The following FBXO4 variants were observed in gnomAD, a reference collection of about 807,000 sequenced individuals.
The protein encoded by FBXO4 is F-box only protein 4.
FBXO4 carries 36 observed loss-of-function variants against 43.7 expected under a neutral mutation model. That is an observed-to-expected ratio of 0.82 (90% CI 0.63 to 1.09). FBXO4 has a LOEUF of 1.09. Ranked by LOEUF, FBXO4 falls within the 50% of genes least tolerant of loss-of-function variation. The pLI is 0.00. For synonymous variants in FBXO4, 180 were observed against 165.6 expected (o/e 1.09, Z -0.67); for missense variants, 435 against 474.1 (o/e 0.92, Z 0.77).
At chr5:41,926,959 C>T (rs1751523234) in intron 1 of FBXO4, 54 bp from the exon 2 acceptor site, 3 of 1,155,826 alleles carry the variant, frequency 2.6e-6, no homozygotes, top group Non-Finnish European at 2.5e-6. Context: ...GTTTATCACC[C>T]AAAAACTATT....
At chr5:41,945,820 C>CA (rs1458880208), downstream of FBXO4, among the ~76,000 whole-genome samples, 7 of 152,202 alleles carry the variant, frequency 4.6e-5, no homozygotes, top group Non-Finnish European at 1.0e-4. Flanking sequence ...TCTAGCTTCA[C>CA]AACCTATGGA....
chr5:41,979,587 A>G, the FBXO4 span, among the ~76,000 whole-genome samples: 1 of 152,206 alleles, frequency 6.6e-6, no homozygotes, highest in Non-Finnish European at 1.5e-5. Flanking sequence ...AACTACCAAC[A>G]TGACATCACT....
intron 5 of FBXO4, among the ~76,000 whole-genome samples, chr5:41,936,885 T>A (rs557467651): frequency 2.6e-5 from 4 of 152,068 alleles, no homozygotes; most frequent in East Asian, 1.9e-4. Context: ...TGTAGGCTTA[T>A]GAACCATACA....
Position 41,941,177 on chromosome 5 carries a change from CTTATG to C in FBXO4, c.1075-13_1075-9del. ...TAGTTTCTTACTAACAACATTCTCT[CTTATG>C]TATTCCGAGGTCCAGGATACAGAGG... On this transcript the variant is annotated splice_polypyrimidine_tract_variant and intron_variant, in intron 6 of 6. Coordinates refer to ENST00000281623, the MANE Select transcript of FBXO4 (RefSeq NM_012176.3). 6.2e-7 allele frequency: 1 copy of C among 1,608,756 alleles called. No homozygotes were observed. The highest frequency in any genetic ancestry group is 8.5e-7 in the Non-Finnish European group (1 of 1,175,524).
At chr5:42,033,225 G>T in the FBXO4 span, among the ~76,000 whole-genome samples, 2 of 152,016 alleles carry the variant, frequency 1.3e-5, no homozygotes, top group Non-Finnish European at 2.9e-5. Flanking sequence ...TCCCCAGCTG[G>T]CATCCTAGCA....
the FBXO4 span, among the ~76,000 whole-genome samples, chr5:41,976,388 T>C: frequency 2.0e-5 from 3 of 152,188 alleles, no homozygotes; most frequent in Non-Finnish European, 4.4e-5. Context: ...CTTCCACTGA[T>C]GAACCTATAA....
At chr5:42,014,991 A>G in the FBXO4 span, among the ~76,000 whole-genome samples, 8 of 152,202 alleles carry the variant, frequency 5.3e-5, no homozygotes, top group African/African-American at 1.9e-4. Context: ...CACTGAGGCA[A>G]TTCTTGGCAC....
At chr5:42,021,197 G>A in the FBXO4 span, among the ~76,000 whole-genome samples, 12 of 152,254 alleles carry the variant, frequency 7.9e-5, no homozygotes, top group African/African-American at 2.9e-4. Flanking sequence ...GATAAGAGTT[G>A]AAGGAAGGAA....
chr5:41,961,245 G>A, the FBXO4 span, among the ~76,000 whole-genome samples: 1 of 152,098 alleles, frequency 6.6e-6, no homozygotes, highest in African/African-American at 2.4e-5. Flanking sequence ...GGCAGTGAAA[G>A]TCATTGCAGT....
downstream of FBXO4, among the ~76,000 whole-genome samples, chr5:41,945,058 A>G (rs556610570): frequency 1.3e-3 from 205 of 152,328 alleles, 2 homozygotes; most frequent in Middle Eastern, 3.4e-3. Context: ...TTTTATTTCT[A>G]AGATCTTATC....
chr5:41,979,080 A>G, the FBXO4 span, among the ~76,000 whole-genome samples: 1 of 152,222 alleles, frequency 6.6e-6, no homozygotes, highest in Non-Finnish European at 1.5e-5. Flanking sequence ...GTTTTGCAAT[A>G]AAGCTTTATT....
the FBXO4 span, among the ~76,000 whole-genome samples, chr5:42,028,819 AAACC>A: frequency 6.6e-6 from 1 of 152,054 alleles, no homozygotes; most frequent in African/African-American, 2.4e-5. Flanking sequence ...AACTAAAAAA[AAACC>A]AACTCTATGC....
At chr5:42,013,975 T>G in the FBXO4 span, among the ~76,000 whole-genome samples, 1 of 152,186 alleles carries the variant, frequency 6.6e-6, no homozygotes, top group African/African-American at 2.4e-5. Context: ...TAGAGCTATC[T>G]TTTTACTGCT....
the FBXO4 span, among the ~76,000 whole-genome samples, chr5:42,031,074 G>T: frequency 6.6e-6 from 1 of 152,190 alleles, no homozygotes; most frequent in Admixed American, 6.5e-5. Context: ...TCTAGAACTA[G>T]AAATACCATT....
In FBXO4 at chr5:41,941,187, C is replaced by A; in HGVS notation, c.1075-5C>A. The A allele has an allele frequency of 6.2e-7, 1 of 1,612,284 alleles. No individual in the cohort carries two copies. Among genetic ancestry groups the A allele is most frequent in the Non-Finnish European group, 8.5e-7 (1 of 1,178,588 alleles). ...CTAACAACATTCTCTCTTATGTATTCCGAGGTCCAGGATACAGAGGCTGAA... is the reference window on the plus strand; with the variant it reads ...CTAACAACATTCTCTCTTATGTATTACGAGGTCCAGGATACAGAGGCTGAA... On this transcript the variant is annotated splice_region_variant and splice_polypyrimidine_tract_variant and intron_variant, in intron 6 of 6. Coordinates refer to ENST00000281623, the MANE Select transcript of FBXO4 (RefSeq NM_012176.3).
the FBXO4 span, among the ~76,000 whole-genome samples, chr5:42,025,154 C>A: frequency 1.3e-5 from 2 of 151,794 alleles, no homozygotes; most frequent in Non-Finnish European, 2.9e-5. Flanking sequence ...AGTGGTTGTA[C>A]TAATTTACAT....
chr5:42,038,895 T>G, the FBXO4 span, among the ~76,000 whole-genome samples: 2 of 152,102 alleles, frequency 1.3e-5, no homozygotes. Flanking sequence ...TTATTTCACT[T>G]AACGTGATGT....
At chr5:42,015,445 AG>A in the FBXO4 span, among the ~76,000 whole-genome samples, 1 of 152,196 alleles carries the variant, frequency 6.6e-6, no homozygotes, top group African/African-American at 2.4e-5. Flanking sequence ...TTTGTAATAG[AG>A]GGGACTTTGT....
At chr5:41,939,161 A>G in intron 5 of FBXO4, 1 of 237,444 alleles carries the variant, frequency 4.2e-6, no homozygotes, top group Non-Finnish European at 8.1e-6. Flanking sequence ...GTTGGTATTC[A>G]TAAAAAAAGC....
Sources: gnomAD v4.1 joint callset for allele counts (sites outside exome capture counted in the v4.1 genomes callset) on GRCh38, gnomAD v4.1.1 for gene constraint, MANE v1.5 for transcripts, NCBI Gene and HGNC (gene_info 2026-07-23, HGNC 2026-07-21) for gene names.